Variants in NIPAL4 observed in about 807,000 individuals in gnomAD.
NIPAL4 encodes the protein NIPA like domain containing 4.
NIPAL4 carries 21 observed loss-of-function variants against 31.6 expected under a neutral mutation model. The observed-to-expected ratio is 0.67, with a 90% CI of 0.47 to 0.96. The LOEUF is 0.96. Among genes scored for constraint, NIPAL4 ranks in the 40% least tolerant of loss-of-function variants. NIPAL4 has a pLI of 0.00. For synonymous variants in NIPAL4, 175 were observed against 211.1 expected, an observed-to-expected ratio of 0.83 and a Z score of 1.48; for missense variants, 438 against 508.0, an observed-to-expected ratio of 0.86 and a Z score of 1.32.
intron 2 of NIPAL4, among the ~76,000 whole-genome samples, chr5:157,464,955 C>A (rs1237187483): frequency 6.6e-6 from 1 of 152,180 alleles, no homozygotes; most frequent in Non-Finnish European, 1.5e-5. Flanking sequence ...TAGTTAGAAT[C>A]ATACCTAGCA....
rs1754061494 is a variant in NIPAL4, at chr5:157,460,446, CA to C, written c.37+90del. ...CGCTCTCCCTCGCATCCTCTCCTCC[CA>C]GGGGGGCCAAAGCTGGGGAGGGGCA... On this transcript the variant is annotated intron_variant, in intron 1 of 5. Transcript: ENST00000311946. The C allele has an allele frequency of 7.6e-6, 10 of 1,323,418 alleles. No individual in the cohort carries two copies. The South Asian group carries it at 1.0e-4, about 13-fold the overall frequency. 82.0% of individuals were successfully genotyped at this position (1,323,418 alleles called of 1,614,324 possible). A position where few individuals can be genotyped will look rare whatever the true frequency, so the allele number is the denominator to read the frequency against.
At chr5:157,469,728 G>A (rs188857079) in intron 4 of NIPAL4, among the ~76,000 whole-genome samples, 191 of 152,332 alleles carry the variant, frequency 1.3e-3, no homozygotes, top group African/African-American at 4.4e-3. Flanking sequence ...GATTGTTGGC[G>A]TAACCTTGGA....
chr5:157,466,806 T>A (rs1275567563), intron 2 of NIPAL4, among the ~76,000 whole-genome samples: 1 of 152,086 alleles, frequency 6.6e-6, no homozygotes, highest in Admixed American at 6.5e-5. Context: ...CAAGAGGAGA[T>A]GTGAAGTAAG....
chr5:157,462,976 T>C, intron 1 of NIPAL4, 118 bp from the exon 2 acceptor site: 5 of 1,313,614 alleles, frequency 3.8e-6, no homozygotes, highest in Non-Finnish European at 5.3e-6. Context: ...AGGCACGGTA[T>C]ATGGGTATAG....
Position 157,474,156 on chromosome 5 carries a change from C to G in NIPAL4, c.*1196C>G, listed in dbSNP as rs912335256. 1 of 152,316 alleles carries G rather than the reference C, an allele frequency of 6.6e-6. No homozygotes were observed. The highest frequency in any genetic ancestry group is 6.5e-5 in the Admixed American group (1 of 15,280). The allele number at this position is 152,316 out of a possible 1,614,324, so 9.4% of individuals were successfully genotyped here. On this transcript the variant is annotated 3_prime_UTR_variant, in exon 6 of 6. Transcript: ENST00000311946. ...GTTGACCAGATTGCTACCGAGTCCC[C>G]TCCTCCACTGATGAGCTGCCCACAC...
intron 5 of NIPAL4, 146 bp downstream of exon 5, chr5:157,471,963 G>C (rs1161257571): frequency 3.0e-6 from 2 of 658,324 alleles, no homozygotes; most frequent in African/African-American, 3.6e-5. Flanking sequence ...TTAATGGGCT[G>C]GTACTTGTTA....
At chr5:157,470,217 A>G (rs1311647780) in intron 4 of NIPAL4, among the ~76,000 whole-genome samples, 2 of 152,158 alleles carry the variant, frequency 1.3e-5, no homozygotes, top group African/African-American at 4.8e-5. Flanking sequence ...TGCCCCCGTG[A>G]TTATACGAGG....
Position 157,467,086 on chromosome 5 carries a change from G to A in NIPAL4, c.315G>A (p.Trp105Ter). 3 of 1,612,532 alleles carry A rather than the reference G, an allele frequency of 1.9e-6. No individual in the cohort carries two copies. The highest frequency in any genetic ancestry group is 2.5e-6 in the Non-Finnish European group (3 of 1,178,842). The change falls in exon 3 of 6, where the codon TGG becomes TGA. Residue 105 changes from tryptophan to a stop codon, truncating the protein, a stop_gained. Coordinates refer to ENST00000311946, the MANE Select transcript of NIPAL4 (RefSeq NM_001099287.2). LOFTEE classifies it high-confidence loss of function. ...GGFGYLKDAMWWAGFLTMAAG... is the reference protein window; with the variant it reads ...GGFGYLKDAM Reference sequence around the variant, plus strand: ...TCGGCTACCTGAAAGATGCAATGTGGTGGGCTGGATTTCTCACCAGTAAGT... The same window carrying A: ...TCGGCTACCTGAAAGATGCAATGTGATGGGCTGGATTTCTCACCAGTAAGT...
chr5:157,465,648 C>T, intron 2 of NIPAL4, among the ~76,000 whole-genome samples: 1 of 152,040 alleles, frequency 6.6e-6, no homozygotes, highest in African/African-American at 2.4e-5. Context: ...ATAAGAAGAT[C>T]AACTAAAATT....
At chr5:157,472,201 G>GA in intron 5 of NIPAL4, 131 bp from the exon 6 acceptor site, 1 of 832,478 alleles carries the variant, frequency 1.2e-6, no homozygotes, top group Non-Finnish European at 1.9e-6. Context: ...ATGAAGCTGG[G>GA]ACTGGAACCC....
At position 157,474,319 on chromosome 5, in the gene NIPAL4, C is replaced by G. The variant is rs1754527212; in HGVS notation, c.*1359C>G. 1 of 152,220 alleles carries G rather than the reference C, an allele frequency of 6.6e-6. No individual in the cohort carries two copies. The highest frequency in any genetic ancestry group is 1.5e-5 in the Non-Finnish European group (1 of 68,048). 9.4% of individuals were successfully genotyped at this position (152,220 alleles called of 1,614,324 possible). A position where few individuals can be genotyped will look rare whatever the true frequency, so the allele number is the denominator to read the frequency against. ...TAATTACTATTCCTTCCCTTCCTAT[C>G]TCCTTTCTAGCCACAAGAGTGTGGG... On this transcript the variant is annotated 3_prime_UTR_variant, in exon 6 of 6. Coordinates refer to ENST00000311946, the MANE Select transcript of NIPAL4 (RefSeq NM_001099287.2).
chr5:157,469,444 C>G (rs1754367586), intron 4 of NIPAL4, among the ~76,000 whole-genome samples: 1 of 152,314 alleles, frequency 6.6e-6, no homozygotes, highest in South Asian at 2.1e-4. Flanking sequence ...GCATCCCTAG[C>G]TGAGCCCAAC....
chr5:157,464,287 G>A (rs1754192840), intron 2 of NIPAL4, among the ~76,000 whole-genome samples: 1 of 152,224 alleles, frequency 6.6e-6, no homozygotes, highest in Non-Finnish European at 1.5e-5. Context: ...AATGGCAGGA[G>A]CAGGAGGGGT....
In NIPAL4 at chr5:157,472,541, A is replaced by G. The variant is rs1327455800; in HGVS notation, c.796A>G (p.Ile266Val). ...LPVVRHPLPY[I>V]LSLILALSLS... ...AGTTGTCCGGCACCCGCTCCCCTACATCCTGTCCCTCATCCTGGCACTGTC... is the reference window on the plus strand; with the variant it reads ...AGTTGTCCGGCACCCGCTCCCCTACGTCCTGTCCCTCATCCTGGCACTGTC... The change falls in exon 6 of 6, where the codon ATC becomes GTC. Residue 266 changes from isoleucine (I) to valine (V), a missense_variant. Coordinates refer to ENST00000311946, the MANE Select transcript of NIPAL4 (RefSeq NM_001099287.2). The G allele has an allele frequency of 6.2e-7, 1 of 1,613,622 alleles. No homozygotes were observed. The highest frequency in any genetic ancestry group is 1.1e-5 in the South Asian group (1 of 91,042).
At chr5:157,466,084 T>A (rs2113662770) in intron 2 of NIPAL4, among the ~76,000 whole-genome samples, 1 of 149,864 alleles carries the variant, frequency 6.7e-6, no homozygotes, top group Middle Eastern at 3.4e-3. Flanking sequence ...GAAAGGATGG[T>A]GGGAGGGAGG....
chr5:157,467,376 G>A (rs1002268351), intron 3 of NIPAL4: 7 of 400,218 alleles, frequency 1.7e-5, no homozygotes, highest in Non-Finnish European at 2.4e-5. Flanking sequence ...AACATAGCTC[G>A]ATAATATCAC....
rs748596197 is a variant in NIPAL4 at position 157,472,811 on chromosome 5, C to T, written c.1066C>T (p.Pro356Ser). The T allele has an allele frequency of 1.2e-6, 2 of 1,604,802 alleles. No individual in the cohort carries two copies. The highest frequency in any genetic ancestry group is 2.2e-5 in the South Asian group (2 of 90,476). ...CCTGGACATCAGCTGCGCCAGCTTG[C>T]CCCACATGCACAAAAACCCACCCCC... Reference protein sequence around the residue: ...KDLDISCASLPHMHKNPPPSP... With the variant: ...KDLDISCASLSHMHKNPPPSP... The change falls in exon 6 of 6, where the codon CCC (proline) becomes TCC (serine). Residue 356 changes from proline (P) to serine (S), a missense_variant. Transcript: ENST00000311946.
intron 4 of NIPAL4, among the ~76,000 whole-genome samples, chr5:157,470,162 G>C (rs1247977550): frequency 1.3e-5 from 2 of 152,164 alleles, no homozygotes; most frequent in Non-Finnish European, 2.9e-5. Flanking sequence ...ATAGCCAATA[G>C]GTTTTTACCC....
rs566214779 is a variant in NIPAL4, at chr5:157,465,661, GAAC to G, written c.278-1382_278-1380del. Among the ~76,000 whole-genome samples, 97 of 152,168 alleles carry G rather than the reference GAAC, an allele frequency of 6.4e-4. 1 individual carries two copies. Among genetic ancestry groups the G allele is most frequent in the African/African-American group, 2.2e-3 (92 of 41,536 alleles). ...AAATAAGAAGATCAACTAAAATTAA[GAAC>G]AACAATGCCATGAAAGAGAAGAGCT... On this transcript the variant is annotated intron_variant, in intron 2 of 5. Transcript: ENST00000311946.
Sources: gnomAD v4.1 joint callset for allele counts (sites outside exome capture counted in the v4.1 genomes callset) on GRCh38, gnomAD v4.1.1 for gene constraint, MANE v1.5 for transcripts, NCBI Gene and HGNC (gene_info 2026-07-23, HGNC 2026-07-21) for gene names.